Variants in CBFA2T3 observed in about 807,000 individuals in gnomAD.
The protein encoded by CBFA2T3 is transcriptional corepressor CBFA2T3.
Under a neutral mutation model 58.6 loss-of-function variants are expected in CBFA2T3, and 31 were observed. That is an observed-to-expected ratio of 0.53 (90% CI 0.40 to 0.71). The LOEUF (loss-of-function observed/expected upper bound fraction) is 0.71. CBFA2T3 is among the 30% of genes least tolerant of loss of function. The pLI, the probability that CBFA2T3 is intolerant of heterozygous loss-of-function variation, is 0.00. For synonymous variants in CBFA2T3, 531 were observed against 421.9 expected (o/e 1.26, Z -3.17); for missense variants, 1,076 against 963.1 (o/e 1.12, Z -1.55).
chr16:88,975,694 G>C (rs1972839985), intron 1 of CBFA2T3, among the ~76,000 whole-genome samples: 1 of 152,276 alleles, frequency 6.6e-6, no homozygotes, highest in Non-Finnish European at 1.5e-5. Context: ...GGGTTGGGAA[G>C]TTCCTGCTCA....
chr16:88,903,220 G>C (rs974225097), intron 1 of CBFA2T3, among the ~76,000 whole-genome samples: 1 of 152,204 alleles, frequency 6.6e-6, no homozygotes, highest in South Asian at 2.1e-4. Flanking sequence ...TGCCAAATAC[G>C]GCACAAACCT....
At chr16:88,952,251 T>C (rs1972092939) in intron 1 of CBFA2T3, among the ~76,000 whole-genome samples, 1 of 152,184 alleles carries the variant, frequency 6.6e-6, no homozygotes, top group South Asian at 2.1e-4. Flanking sequence ...CCGTCTATCA[T>C]TGCTGGAGCC....
chr16:88,911,869 A>C (rs1458439787), intron 1 of CBFA2T3, among the ~76,000 whole-genome samples: 1 of 151,272 alleles, frequency 6.6e-6, no homozygotes, highest in Admixed American at 6.5e-5. Context: ...TCTGGGGCAC[A>C]GTGAAGACCC....
intron 3 of CBFA2T3, among the ~76,000 whole-genome samples, chr16:88,897,104 G>A (rs1394260822): frequency 6.6e-6 from 1 of 152,222 alleles, no homozygotes; most frequent in Non-Finnish European, 1.5e-5. Context: ...CCCTAACGCA[G>A]CCCCTCCTGT....
chr16:88,927,418 C>T (rs1971117903), intron 1 of CBFA2T3, among the ~76,000 whole-genome samples: 1 of 152,216 alleles, frequency 6.6e-6, no homozygotes, highest in African/African-American at 2.4e-5. Flanking sequence ...CAGACCCAGC[C>T]TGTTTTCTGG....
At chr16:88,895,436 G>A (rs1294023373) in intron 3 of CBFA2T3, among the ~76,000 whole-genome samples, 3 of 152,204 alleles carry the variant, frequency 2.0e-5, no homozygotes, top group African/African-American at 7.2e-5. Context: ...AGGCTGCGCG[G>A]TTATCACACA....
intron 1 of CBFA2T3, among the ~76,000 whole-genome samples, chr16:88,975,506 G>A (rs748440977): frequency 3.3e-5 from 5 of 152,234 alleles, no homozygotes; most frequent in Admixed American, 6.5e-5. Context: ...GGAAGCACCC[G>A]GCCCAAGGCC....
At chr16:88,893,286 C>T (rs905530030) in intron 3 of CBFA2T3, among the ~76,000 whole-genome samples, 1 of 145,966 alleles carries the variant, frequency 6.9e-6, no homozygotes, top group African/African-American at 2.6e-5. Flanking sequence ...CGCCTCCCAG[C>T]CCTGAGCAAT....
In CBFA2T3 at chr16:88,885,706, G is replaced by C. The variant is rs1969339443; in HGVS notation, c.893+255C>G. On this transcript the variant is annotated intron_variant, in intron 6 of 11. Transcript: ENST00000268679. This position sits in a 1 kb window ranked among gnomAD's most constrained non-coding sequence, Gnocchi z 5.3. ...GTCCATGCCCGGCACACAGGGGAGA[G>C]CCGTCCTCCCACCAGCCTCCTCCCT... The C allele has an allele frequency of 7.6e-6, 4 of 523,972 alleles. No homozygotes were observed. In the Admixed American group the frequency reaches 1.4e-4, roughly 18 times the overall value. 32.5% of individuals were successfully genotyped at this position (523,972 alleles called of 1,614,324 possible). A position where few individuals can be genotyped will look rare whatever the true frequency, so the allele number is the denominator to read the frequency against.
At chr16:88,894,402 T>C (rs1291538489) in intron 3 of CBFA2T3, among the ~76,000 whole-genome samples, 2 of 111,704 alleles carry the variant, frequency 1.8e-5, no homozygotes, top group Non-Finnish European at 3.6e-5. Flanking sequence ...CACACACACA[T>C]GCACACACAC....
rs116215730 is a variant in CBFA2T3 at position 88,914,040 on chromosome 16, C to T, written c.152-12384G>A. The stretch of plus-strand genomic sequence containing the variant: ...AAGCGTGCACCGAGGTAGAGGGACA[C>T]GAGGCTGCAGCACGGCCATACAATG... On this transcript the variant is annotated intron_variant, in intron 1 of 11. Transcript: ENST00000268679. Among the ~76,000 whole-genome samples, 1,451 of 152,230 alleles carry T rather than the reference C, an allele frequency of 9.5e-3. 25 individuals are homozygous for T. The highest frequency in any genetic ancestry group is 0.032 in the African/African-American group (1,346 of 41,518).
intron 1 of CBFA2T3, among the ~76,000 whole-genome samples, chr16:88,971,735 C>T (rs1972661061): frequency 6.6e-6 from 1 of 152,246 alleles, no homozygotes; most frequent in Admixed American, 6.5e-5. Flanking sequence ...TCTCTTTTCC[C>T]TGCTTCTCTC....
At chr16:88,889,144 G>T (rs1186883609) in intron 5 of CBFA2T3, among the ~76,000 whole-genome samples, 1 of 151,672 alleles carries the variant, frequency 6.6e-6, no homozygotes, top group East Asian at 1.9e-4. Flanking sequence ...TCCGCAGCAA[G>T]TTAAAAGAAG....
chr16:88,927,612 C>T lies in CBFA2T3; in HGVS notation c.152-25956G>A, dbSNP rs188795933. Reference sequence around the variant, plus strand: ...TGGCATGCAGCCTGCAGGTGATAATCTCCGGGCTGCTCTGGGGCTAGGCTG... The same window carrying T: ...TGGCATGCAGCCTGCAGGTGATAATTTCCGGGCTGCTCTGGGGCTAGGCTG... On this transcript the variant is annotated intron_variant, in intron 1 of 11. Transcript: ENST00000268679. Among the ~76,000 whole-genome samples, 908 of 152,308 alleles carry T rather than the reference C, an allele frequency of 6.0e-3. 19 individuals carry two copies. Among genetic ancestry groups the T allele is most frequent in the Non-Finnish European group, 1.8e-3 (121 of 68,018 alleles).
At position 88,888,058 on chromosome 16, in the gene CBFA2T3, G is replaced by A. The variant is rs371778209; in HGVS notation, c.712-1916C>T. On this transcript the variant is annotated intron_variant, in intron 5 of 11. Transcript: ENST00000268679. ...TGTATCTGCAAACTAGCGCTGTGGA[G>A]CCTCTGGCCGAGACAGACTCCGGGG... Among the ~76,000 whole-genome samples the A allele has an allele frequency of 3.2e-4, 49 of 152,226 alleles. No individual in the cohort carries two copies. The South Asian group carries it at 9.3e-3, about 29-fold the overall frequency.
chr16:88,920,995 C>T (rs966182073), intron 1 of CBFA2T3, among the ~76,000 whole-genome samples: 2 of 152,260 alleles, frequency 1.3e-5, no homozygotes, highest in Admixed American at 1.3e-4. Flanking sequence ...TTAAAGAAAA[C>T]AGGCTGCTCT....
In CBFA2T3 at chr16:88,877,190, C is replaced by T. The variant is rs1206666956; in HGVS notation, c.1748G>A (p.Arg583Gln). Residue 583 changes from arginine to glutamine, a missense_variant, in exon 12 of 12, where the codon CGG becomes CAG. Coordinates refer to ENST00000268679, the MANE Select transcript of CBFA2T3 (RefSeq NM_005187.6). Reference sequence around the variant, plus strand: ...CACGTGGTGATGCTTCTCCCAGTCCCGATGCTGGCAGAAGGACCCGCAGTA... The same window carrying T: ...CACGTGGTGATGCTTCTCCCAGTCCTGATGCTGGCAGAAGGACCCGCAGTA... ...ARYCGSFCQH[R>Q]DWEKHHHVCG... 1 of 1,554,790 alleles carries T rather than the reference C, an allele frequency of 6.4e-7. No homozygotes were observed. The highest frequency in any genetic ancestry group is 2.4e-5 in the East Asian group (1 of 41,262).
intron 1 of CBFA2T3, among the ~76,000 whole-genome samples, chr16:88,933,266 G>T (rs1262751971): frequency 1.3e-5 from 2 of 152,006 alleles, no homozygotes; most frequent in Non-Finnish European, 1.5e-5. Context: ...GCCTCACAGT[G>T]CCACACGTCT....
At position 88,973,586 on chromosome 16, in the gene CBFA2T3, C is replaced by T. The variant is rs373113915; in HGVS notation, c.151+3071G>A. Among the ~76,000 whole-genome samples the T allele has an allele frequency of 2.6e-5, 4 of 152,250 alleles. No homozygotes were observed. In the East Asian group the frequency reaches 7.7e-4, roughly 29 times the overall value. ...CAGAACCTTCCAATGCAGAATATTC[C>T]GGACCCAGAACATTCCAAACCCAGA... On this transcript the variant is annotated intron_variant, in intron 1 of 11. Coordinates refer to ENST00000268679, the MANE Select transcript of CBFA2T3 (RefSeq NM_005187.6).
Sources: gnomAD v4.1 joint callset for allele counts (sites outside exome capture counted in the v4.1 genomes callset) on GRCh38, gnomAD v4.1.1 for gene constraint, Gnocchi (gnomAD v3.1) non-coding constraint, MANE v1.5 for transcripts, NCBI Gene and HGNC (gene_info 2026-07-23, HGNC 2026-07-21) for gene names.